The following USP42 variants were observed in gnomAD, a reference collection of about 807,000 sequenced individuals.
USP42 encodes the protein ubiquitin specific peptidase 42, also known as ubiquitin carboxyl-terminal hydrolase 42.
Under a neutral mutation model 113.0 loss-of-function variants are expected in USP42, and 23 were observed. The observed-to-expected ratio is 0.20, with a 90% CI of 0.15 to 0.29. The LOEUF (loss-of-function observed/expected upper bound fraction) is 0.29. USP42 is among the 10% of genes least tolerant of loss of function. The pLI is 1.00. For missense variants in USP42, 2,174 were observed against 1,779.8 expected, an observed-to-expected ratio of 1.22 and a Z score of -3.99; for synonymous variants, 933 against 699.0, an observed-to-expected ratio of 1.33 and a Z score of -5.28.
intron 10 of USP42, among the ~76,000 whole-genome samples, chr7:6,145,937 G>C (rs1781694184): frequency 2.0e-5 from 3 of 152,124 alleles, no homozygotes; most frequent in African/African-American, 7.2e-5. Context: ...GCGTGTGGTG[G>C]CACCTGCCAG....
chr7:6,082,341 G>A, the USP42 span, among the ~76,000 whole-genome samples: 1 of 152,018 alleles, frequency 6.6e-6, no homozygotes, highest in African/African-American at 2.4e-5. Context: ...TGTTAGCCAG[G>A]ATGGTCTCGA....
chr7:6,096,387 G>T, the USP42 span, among the ~76,000 whole-genome samples: 1 of 151,172 alleles, frequency 6.6e-6, no homozygotes, highest in Non-Finnish European at 1.5e-5. Flanking sequence ...GGAGATGGGT[G>T]CATCATTGCA....
intron 7 of USP42, among the ~76,000 whole-genome samples, chr7:6,141,537 A>G (rs1361782762): frequency 1.3e-5 from 2 of 151,484 alleles, no homozygotes; most frequent in African/African-American, 4.8e-5. Context: ...GATTTTCTAT[A>G]TTAGCCAAGT....
chr7:6,104,883 G>T, upstream of USP42: 1 of 147,158 alleles, frequency 6.8e-6, no homozygotes, highest in South Asian at 1.8e-4. Flanking sequence ...CGGCGGCCCG[G>T]AGGGGCGCGG....
At chr7:6,138,405 GTATTATAGAGATGTAGCACCAATT>G (rs1291594752) in intron 4 of USP42, among the ~76,000 whole-genome samples, 1 of 152,186 alleles carries the variant, frequency 6.6e-6, no homozygotes, top group African/African-American at 2.4e-5. Context: ...AATGGATTCT[GTATTATAGAGATGTAGCACCAATT>G]TAAAATCACC....
chr7:6,159,715 G>A lies in USP42; in HGVS notation c.*36+222G>A, dbSNP rs1383369457. Among the ~76,000 whole-genome samples the A allele has an allele frequency of 6.6e-6, 1 of 152,208 alleles. No individual in the cohort carries two copies. Among genetic ancestry groups the A allele is most frequent in the Middle Eastern group, 3.2e-3 (1 of 316 alleles). On this transcript the variant is annotated intron_variant, in intron 17 of 17. Coordinates refer to ENST00000306177, the MANE Select transcript of USP42 (RefSeq NM_032172.3). The surrounding 1 kb of genome is among the most constrained non-coding windows in gnomAD (Gnocchi z 4.1). Reference sequence around the variant, plus strand: ...CATCACGTTTGCATTACTGGCTGGGGAAGACCCGCATCCTTCACGCAGGCA... The same window carrying A: ...CATCACGTTTGCATTACTGGCTGGGAAAGACCCGCATCCTTCACGCAGGCA...
intron 7 of USP42, among the ~76,000 whole-genome samples, 173 bp from the exon 8 acceptor site, chr7:6,142,759 C>T (rs1049922442): frequency 1.3e-5 from 2 of 152,042 alleles, no homozygotes; most frequent in Non-Finnish European, 2.9e-5. Flanking sequence ...GGTGGCCATG[C>T]CTGTGGTTTA....
intron 3 of USP42, among the ~76,000 whole-genome samples, chr7:6,120,663 A>C (rs1204503930): frequency 6.6e-6 from 1 of 152,104 alleles, no homozygotes; most frequent in Non-Finnish European, 1.5e-5. Flanking sequence ...GGCTCACTGC[A>C]CCCTCTGCCT....
the USP42 span, among the ~76,000 whole-genome samples, chr7:6,091,573 T>A: frequency 6.7e-6 from 1 of 150,250 alleles, no homozygotes; most frequent in South Asian, 2.1e-4. Flanking sequence ...TATAATTGGG[T>A]TTCTATTGAT....
chr7:6,126,303 G>C (rs77781393), intron 3 of USP42, among the ~76,000 whole-genome samples: 1 of 111,176 alleles, frequency 9.0e-6, no homozygotes, highest in African/African-American at 3.4e-5. Context: ...TTTTTTTTTT[G>C]AGAGGAAGTC....
In USP42 at chr7:6,156,663, C is replaced by T. The variant is rs1471993060; in HGVS notation, c.3642-91C>T. 7.6e-6 allele frequency: 11 copies of T among 1,445,902 alleles called. No individual in the cohort carries two copies. The East Asian group carries it at 2.5e-4, about 33-fold the overall frequency. 89.6% of individuals were successfully genotyped at this position (1,445,902 alleles called of 1,614,324 possible). A position where few individuals can be genotyped will look rare whatever the true frequency, so the allele number is the denominator to read the frequency against. Reference sequence around the variant, plus strand: ...TGTGCGTGTCTGCACAGTGAATGTTCTCGGTGAATGGGTGGAAAGGCCAAG... The same window carrying T: ...TGTGCGTGTCTGCACAGTGAATGTTTTCGGTGAATGGGTGGAAAGGCCAAG... On this transcript the variant is annotated intron_variant, in intron 15 of 17. Coordinates refer to ENST00000306177, the MANE Select transcript of USP42 (RefSeq NM_032172.3).
At chr7:6,136,058 G>T (rs1202773051) in intron 4 of USP42, 107 bp downstream of exon 4, 1 of 668,796 alleles carries the variant, frequency 1.5e-6, no homozygotes. Context: ...AGGCTGGAAT[G>T]TAGTGGCGCT....
chr7:6,155,286 C>T, intron 15 of USP42, 91 bp downstream of exon 15: 2 of 1,437,754 alleles, frequency 1.4e-6, no homozygotes, highest in Non-Finnish European at 1.8e-6. Flanking sequence ...AACAAGTGAC[C>T]AGCCAGGCCA....
intron 1 of USP42, among the ~76,000 whole-genome samples, chr7:6,107,529 C>T (rs959344245): frequency 9.2e-5 from 14 of 151,740 alleles, no homozygotes; most frequent in Non-Finnish European, 1.5e-5. Flanking sequence ...CCTGCCTCAG[C>T]CTCCCGAGTA....
At chr7:6,085,502 T>G in the USP42 span, among the ~76,000 whole-genome samples, 1 of 150,260 alleles carries the variant, frequency 6.7e-6, no homozygotes, top group African/African-American at 2.5e-5. Context: ...ACATAATTAG[T>G]GAGTTAACAT....
chr7:6,155,217 C>T (rs933387098), intron 15 of USP42, 22 bp downstream of exon 15: 4 of 1,504,952 alleles, frequency 2.7e-6, no homozygotes, highest in African/African-American at 1.4e-5. Context: ...GCCTTGTGCT[C>T]CCCGAGGCGC....
In USP42 at chr7:6,157,598, G is replaced by A. The variant is rs1782534171; in HGVS notation, c.3943+543G>A. On this transcript the variant is annotated intron_variant, in intron 16 of 17. Coordinates refer to ENST00000306177, the MANE Select transcript of USP42 (RefSeq NM_032172.3). This position sits in a 1 kb window ranked among gnomAD's most constrained non-coding sequence, Gnocchi z 4.1. ...TTTTTAGTAGAGACGGTGTTTCACC[G>A]TGTTAGCCAGGATGGTCTCGAGAAC... 6.6e-6 allele frequency among the ~76,000 whole-genome samples: 1 copy of A among 152,124 alleles called. No individual in the cohort carries two copies. Among genetic ancestry groups the A allele is most frequent in the South Asian group, 2.1e-4 (1 of 4,828 alleles).
intron 3 of USP42, chr7:6,116,580 A>G (rs1286387612): frequency 3.1e-6 from 1 of 317,858 alleles, no homozygotes; most frequent in South Asian, 2.6e-5. Context: ...TTCTTTTTGA[A>G]TAGTTCTTTA....
chr7:6,151,428 A>C (rs1782040965), intron 14 of USP42, among the ~76,000 whole-genome samples: 1 of 151,992 alleles, frequency 6.6e-6, no homozygotes, highest in African/African-American at 2.4e-5. Context: ...GTACAAAAAT[A>C]ACTTCTTTTT....
Sources: allele counts gnomAD v4.1 joint callset (sites outside exome capture counted in the v4.1 genomes callset), GRCh38; gene constraint gnomAD v4.1.1; non-coding constraint Gnocchi (gnomAD v3.1); transcripts MANE v1.5; gene names NCBI Gene and HGNC (gene_info 2026-07-23, HGNC 2026-07-21).